HCN1: variants seen among roughly 807,000 people sequenced by gnomAD.
HCN1 encodes the protein hyperpolarization activated cyclic nucleotide gated potassium channel 1.
In HCN1, 13 loss-of-function variants were observed where a neutral mutation model predicts 78.9. That is an observed-to-expected ratio of 0.16 (90% CI 0.11 to 0.26). The LOEUF (loss-of-function observed/expected upper bound fraction) is 0.26. HCN1 is among the 10% of genes least tolerant of loss of function. The pLI is 1.00. For missense variants in HCN1, 810 were observed against 1,154.3 expected, an observed-to-expected ratio of 0.70 and a Z score of 4.32; for synonymous variants, 552 against 455.5, an observed-to-expected ratio of 1.21 and a Z score of -2.70.
intron 2 of HCN1, among the ~76,000 whole-genome samples, chr5:45,524,369 T>G (rs1742684300): frequency 6.6e-6 from 1 of 152,172 alleles, no homozygotes; most frequent in Non-Finnish European, 1.5e-5. Flanking sequence ...CATATGAACT[T>G]TAAAGTAGTT....
intron 4 of HCN1, among the ~76,000 whole-genome samples, chr5:45,357,317 T>C (rs2111987513): frequency 6.6e-6 from 1 of 152,204 alleles, no homozygotes; most frequent in South Asian, 2.1e-4. Flanking sequence ...TAGTTGGATG[T>C]TGAGGCTTTG....
At chr5:45,583,821 T>G (rs909444147) in intron 2 of HCN1, among the ~76,000 whole-genome samples, 6 of 152,206 alleles carry the variant, frequency 3.9e-5, no homozygotes, top group Admixed American at 1.3e-4. Flanking sequence ...TCAGTTTCCA[T>G]GTAGTTGGCA....
rs538670115 is a variant in HCN1, at chr5:45,318,215, C to T, written c.1378-14376G>A. ...ATTAAGAAAATGTGGCACATATACACCATGGAATACTATGCAGCCATAAAA... is the reference window on the plus strand; with the variant it reads ...ATTAAGAAAATGTGGCACATATACATCATGGAATACTATGCAGCCATAAAA... On this transcript the variant is annotated intron_variant, in intron 5 of 7. Coordinates refer to ENST00000303230, the MANE Select transcript of HCN1 (RefSeq NM_021072.4). Among the ~76,000 whole-genome samples, 14 of 152,220 alleles carry T rather than the reference C, an allele frequency of 9.2e-5. No individual in the cohort carries two copies. The East Asian group carries it at 1.9e-3, about 21-fold the overall frequency.
At chr5:45,526,163 C>T (rs1184599345) in intron 2 of HCN1, among the ~76,000 whole-genome samples, 1 of 152,088 alleles carries the variant, frequency 6.6e-6, no homozygotes, top group Non-Finnish European at 1.5e-5. Flanking sequence ...CCCAGATTGA[C>T]TAAGACATGT....
chr5:45,277,605 G>T lies in HCN1; in HGVS notation c.1619-10352C>A, dbSNP rs897457114. The stretch of plus-strand genomic sequence containing the variant: ...TGAAACTCTTTCTCACATTAAACCA[G>T]TTATTCTTTTATTAAAAAATGAAAG... On this transcript the variant is annotated intron_variant, in intron 6 of 7. Transcript: ENST00000303230. 4.6e-5 allele frequency among the ~76,000 whole-genome samples: 7 copies of T among 152,186 alleles called. No homozygotes were observed. The East Asian group carries it at 1.3e-3, about 29-fold the overall frequency.
chr5:45,439,666 G>A (rs899394942), intron 3 of HCN1, among the ~76,000 whole-genome samples: 20 of 152,060 alleles, frequency 1.3e-4, no homozygotes, highest in Non-Finnish European at 2.5e-4. Flanking sequence ...AAATGGTTCA[G>A]AGACACTGAA....
chr5:45,389,507 A>G (rs1747997378), intron 4 of HCN1, among the ~76,000 whole-genome samples: 1 of 152,142 alleles, frequency 6.6e-6, no homozygotes, highest in African/African-American at 2.4e-5. Context: ...TATTACAAGA[A>G]GCTTGATGAG....
Position 45,297,234 on chromosome 5 carries a change from C to A in HCN1, c.1618+6365G>T, listed in dbSNP as rs557914385. 2.4e-3 allele frequency among the ~76,000 whole-genome samples: 364 copies of A among 152,162 alleles called. 1 individual carries two copies. The highest frequency in any genetic ancestry group is 6.8e-3 in the Middle Eastern group (2 of 294). ...CTAGTTAACTGCAGCAGGGACACAC[C>A]CTTAAGACACAGATCGCTCATGCTA... On this transcript the variant is annotated intron_variant, in intron 6 of 7. Transcript: ENST00000303230.
intron 2 of HCN1, among the ~76,000 whole-genome samples, chr5:45,549,901 T>C (rs1220051385): frequency 6.6e-6 from 1 of 152,138 alleles, no homozygotes; most frequent in Non-Finnish European, 1.5e-5. Flanking sequence ...GAAAAAATGC[T>C]CATCATCACT....
chr5:45,266,150 G>A (rs1744851295), intron 7 of HCN1, among the ~76,000 whole-genome samples: 1 of 152,146 alleles, frequency 6.6e-6, no homozygotes, highest in African/African-American at 2.4e-5. Context: ...ACTTTACTAT[G>A]GCAATTATGC....
intron 2 of HCN1, among the ~76,000 whole-genome samples, chr5:45,486,999 G>A (rs1741782711): frequency 3.3e-5 from 5 of 152,032 alleles, no homozygotes; most frequent in Admixed American, 3.3e-4. Flanking sequence ...TCTCTTCTAT[G>A]TTTCCATTGG....
intron 2 of HCN1, among the ~76,000 whole-genome samples, chr5:45,481,648 A>G (rs2111676002): frequency 6.6e-6 from 1 of 152,316 alleles, no homozygotes. Context: ...CAGATGATCT[A>G]GAGTGAATAG....
At chr5:45,587,127 G>A (rs2111936383) in intron 2 of HCN1, among the ~76,000 whole-genome samples, 1 of 152,258 alleles carries the variant, frequency 6.6e-6, no homozygotes, top group Middle Eastern at 3.4e-3. Flanking sequence ...CAACCACTGT[G>A]GAAGACAGTG....
chr5:45,457,033 A>T (rs1741043321), intron 3 of HCN1, among the ~76,000 whole-genome samples: 1 of 152,002 alleles, frequency 6.6e-6, no homozygotes, highest in Non-Finnish European at 1.5e-5. Context: ...CTATGTTAAA[A>T]CCTTCAAAAT....
At chr5:45,342,869 G>A (rs116040875) in intron 5 of HCN1, among the ~76,000 whole-genome samples, 1,826 of 152,134 alleles carry the variant, frequency 0.012, 28 homozygotes, top group Non-Finnish European at 0.015. Context: ...CTTGCACATA[G>A]GGGACTTTCA....
At chr5:45,274,727 A>G (rs1745021758) in intron 6 of HCN1, among the ~76,000 whole-genome samples, 1 of 152,216 alleles carries the variant, frequency 6.6e-6, no homozygotes, top group Admixed American at 6.5e-5. Flanking sequence ...CAATTTGTTC[A>G]TAAACTAATC....
intron 2 of HCN1, among the ~76,000 whole-genome samples, chr5:45,501,615 A>T (rs1390761052): frequency 1.3e-5 from 2 of 151,816 alleles, no homozygotes; most frequent in Admixed American, 1.3e-4. Context: ...TAATTTTTGT[A>T]CTTTTAGTAG....
At chr5:45,535,480 C>A (rs984342798) in intron 2 of HCN1, among the ~76,000 whole-genome samples, 1 of 152,022 alleles carries the variant, frequency 6.6e-6, no homozygotes, top group Non-Finnish European at 1.5e-5. Context: ...TACCTGTAAT[C>A]CCAGCTACTT....
chr5:45,570,741 C>G (rs1743811061), intron 2 of HCN1, among the ~76,000 whole-genome samples: 1 of 152,060 alleles, frequency 6.6e-6, no homozygotes, highest in Non-Finnish European at 1.5e-5. Context: ...AAGATTAAAA[C>G]TTTCAGTAAT....
Sources: gnomAD v4.1 joint callset for allele counts (sites outside exome capture counted in the v4.1 genomes callset) on GRCh38, gnomAD v4.1.1 for gene constraint, MANE v1.5 for transcripts, NCBI Gene and HGNC (gene_info 2026-07-23, HGNC 2026-07-21) for gene names.